The following EHMT1 variants were observed in gnomAD, a reference collection of about 807,000 sequenced individuals.
EHMT1 encodes histone-lysine N-methyltransferase EHMT1.
Under a neutral mutation model 147.2 loss-of-function variants are expected in EHMT1, and 15 were observed. That is an observed-to-expected ratio of 0.10 (90% CI 0.07 to 0.16). The LOEUF is 0.16. Among genes scored for constraint, EHMT1 ranks in the 10% least tolerant of loss-of-function variants. The pLI, the probability that EHMT1 is intolerant of heterozygous loss-of-function variation, is 1.00. For missense variants in EHMT1, 1,587 were observed against 1,772.4 expected (o/e 0.90, Z 1.88); for synonymous variants, 795 against 709.6 (o/e 1.12, Z -1.91).
chr9:137,658,213 T>C (rs1246860682), intron 1 of EHMT1, among the ~76,000 whole-genome samples: 1 of 152,034 alleles, frequency 6.6e-6, no homozygotes, highest in Non-Finnish European at 1.5e-5. Flanking sequence ...TGCTGCGGCA[T>C]GATCTTGTCT....
At chr9:137,631,394 GA>G (rs923255487) in intron 1 of EHMT1, among the ~76,000 whole-genome samples, 1 of 150,708 alleles carries the variant, frequency 6.6e-6, no homozygotes, top group Non-Finnish European at 1.5e-5. Context: ...CTCTGTCTTG[GA>G]AAAAAAATAA....
intron 25 of EHMT1, among the ~76,000 whole-genome samples, chr9:137,830,302 C>T (rs1956102435): frequency 6.6e-6 from 1 of 152,172 alleles, no homozygotes; most frequent in Non-Finnish European, 1.5e-5. Context: ...GCCATTTCTC[C>T]AGGATGTCCT....
rs34385417 is a variant in EHMT1 at position 137,743,352 on chromosome 9, CTTT to C, written c.824-5_824-3del. ...CTTTTCCTTTCTTGTCCCCTTTTGA[CTTT>C]TTTTTTTTTTTTTAGCTTGCTTGCC... On this transcript the variant is annotated splice_polypyrimidine_tract_variant and intron_variant, in intron 4 of 26. Transcript: ENST00000460843. 4.6e-4 allele frequency: 682 copies of C among 1,485,480 alleles called. No individual in the cohort carries two copies. The highest frequency in any genetic ancestry group is 1.9e-3 in the Admixed American group (87 of 46,548). 92.0% of individuals were successfully genotyped at this position (1,485,480 alleles called of 1,614,324 possible).
At chr9:137,771,042 T>C (rs1171787654) in intron 10 of EHMT1, among the ~76,000 whole-genome samples, 1 of 152,138 alleles carries the variant, frequency 6.6e-6, no homozygotes, top group Non-Finnish European at 1.5e-5. Context: ...ATCTTCACTT[T>C]ACTCTTGTCT....
In EHMT1 at chr9:137,619,069, G is replaced by C. The variant is rs1026847466; in HGVS notation, c.21+20G>C. 1.9e-5 allele frequency: 17 copies of C among 877,898 alleles called. No individual in the cohort carries two copies. The highest frequency in any genetic ancestry group is 1.5e-4 in the South Asian group (3 of 20,122). The allele number at this position is 877,898 out of a possible 1,614,324, so 54.4% of individuals were successfully genotyped here. ...GCCGAGGTGAGCAGCGGGGCCGGCG[G>C]GGGGCGGCGCGGGGGCGGCGGGCAG... On this transcript the variant is annotated intron_variant, in intron 1 of 26. Coordinates refer to ENST00000460843, the MANE Select transcript of EHMT1 (RefSeq NM_024757.5).
At chr9:137,649,180 A>C (rs1845122909) in intron 1 of EHMT1, among the ~76,000 whole-genome samples, 1 of 152,026 alleles carries the variant, frequency 6.6e-6, no homozygotes, top group Admixed American at 6.6e-5. Flanking sequence ...GCAGTGGCTC[A>C]TGCCTGTAAT....
intron 25 of EHMT1, among the ~76,000 whole-genome samples, chr9:137,833,440 A>G (rs982908708): frequency 1.3e-5 from 2 of 152,352 alleles, no homozygotes; most frequent in African/African-American, 2.4e-5. Context: ...TGCTGAGCCC[A>G]GGTCCCTGTG....
chr9:137,815,153 A>G (rs67116066), intron 22 of EHMT1, among the ~76,000 whole-genome samples: 22,799 of 152,086 alleles, frequency 0.15, 3,397 homozygotes, highest in African/African-American at 0.39. Flanking sequence ...GGGAGAGGCA[A>G]CAGGCGTCCC....
At chr9:137,752,105 GGA>G (rs1365277387) in intron 6 of EHMT1, among the ~76,000 whole-genome samples, 3 of 152,218 alleles carry the variant, frequency 2.0e-5, no homozygotes, top group Non-Finnish European at 4.4e-5. Flanking sequence ...GGAGCAGAGT[GGA>G]AGCTCAGAGT....
intron 10 of EHMT1, among the ~76,000 whole-genome samples, chr9:137,771,868 T>G (rs1261404036): frequency 6.6e-6 from 1 of 151,964 alleles, no homozygotes; most frequent in Non-Finnish European, 1.5e-5. Flanking sequence ...CTTGGAGGCT[T>G]TTGTATCTCG....
chr9:137,683,358 G>A (rs548604512), intron 1 of EHMT1, among the ~76,000 whole-genome samples: 2 of 152,348 alleles, frequency 1.3e-5, no homozygotes, highest in South Asian at 4.1e-4. Context: ...AATTAATAAG[G>A]CTGGGAGGGG....
intron 2 of EHMT1, chr9:137,715,622 C>T (rs1945141572): frequency 2.0e-6 from 2 of 985,326 alleles, no homozygotes; most frequent in Non-Finnish European, 2.4e-6. Flanking sequence ...CTGCCTCAGC[C>T]TGTCCTGAGC....
intron 25 of EHMT1, among the ~76,000 whole-genome samples, chr9:137,824,870 A>G (rs973389022): frequency 3.3e-5 from 5 of 152,124 alleles, no homozygotes; most frequent in Non-Finnish European, 4.4e-5. Context: ...TTTTTGGACT[A>G]TTAGGCTTGT....
intron 18 of EHMT1, chr9:137,803,267 C>A (rs1953653733): frequency 9.7e-7 from 1 of 1,035,992 alleles, no homozygotes; most frequent in Non-Finnish European, 1.2e-6. Flanking sequence ...ATTCAAAGTA[C>A]ACACTTGGGT....
chr9:137,781,749 A>G (rs959595336), intron 14 of EHMT1, among the ~76,000 whole-genome samples: 2 of 152,226 alleles, frequency 1.3e-5, no homozygotes, highest in Non-Finnish European at 2.9e-5. Flanking sequence ...CAGTACGTCA[A>G]GTAAAAAGAA....
At chr9:137,825,771 C>T (rs1439219975) in intron 25 of EHMT1, among the ~76,000 whole-genome samples, 11 of 152,084 alleles carry the variant, frequency 7.2e-5, no homozygotes, top group Non-Finnish European at 1.5e-4. Flanking sequence ...TGTGTGTGCC[C>T]GTGTCATCAC....
At chr9:137,735,423 T>A (rs375322773) in intron 4 of EHMT1, among the ~76,000 whole-genome samples, 1 of 151,904 alleles carries the variant, frequency 6.6e-6, no homozygotes, top group Non-Finnish European at 1.5e-5. Context: ...AGAAAAGAAT[T>A]TAAACATTCC....
intron 10 of EHMT1, among the ~76,000 whole-genome samples, chr9:137,772,867 C>CT (rs909385034): frequency 8.5e-5 from 13 of 152,112 alleles, no homozygotes; most frequent in African/African-American, 2.7e-4. Context: ...TGTTTTATCT[C>CT]TTTTTTCCCA....
intron 22 of EHMT1, 91 bp from the exon 23 acceptor site, chr9:137,815,856 C>T (rs1954878026): frequency 9.0e-7 from 1 of 1,109,582 alleles, no homozygotes; most frequent in African/African-American, 1.5e-5. Context: ...CCGTTTAAGC[C>T]ACACTGGGCA....
Sources: allele counts gnomAD v4.1 joint callset (sites outside exome capture counted in the v4.1 genomes callset), GRCh38; gene constraint gnomAD v4.1.1; transcripts MANE v1.5; gene names NCBI Gene and HGNC (gene_info 2026-07-23, HGNC 2026-07-21).